Variants in ADGRL3 observed in about 807,000 individuals in gnomAD.
ADGRL3 encodes the protein calcium-independent alpha-latrotoxin receptor 3.
In ADGRL3, 62 loss-of-function variants were observed where a neutral mutation model predicts 153.5. The observed-to-expected ratio is 0.40, with a 90% confidence interval of 0.33 to 0.50. ADGRL3 has a LOEUF of 0.50. ADGRL3 is among the 20% of genes least tolerant of loss of function. The pLI is 0.47. For missense variants in ADGRL3, 1,641 were observed against 1,859.4 expected (o/e 0.88, Z 2.16); for synonymous variants, 710 against 672.5 (o/e 1.06, Z -0.86).
chr4:61,279,853 C>T (rs1032385344), intron 1 of ADGRL3, among the ~76,000 whole-genome samples: 1 of 152,006 alleles, frequency 6.6e-6, no homozygotes, highest in African/African-American at 2.4e-5. Flanking sequence ...TGTGATATGG[C>T]CAAGTCACTT....
chr4:61,410,173 T>A (rs925217531), intron 2 of ADGRL3, among the ~76,000 whole-genome samples: 2 of 151,420 alleles, frequency 1.3e-5, no homozygotes, highest in African/African-American at 4.9e-5. Flanking sequence ...AAAATGACTC[T>A]ATTTGTAAAT....
intron 25 of ADGRL3, among the ~76,000 whole-genome samples, chr4:62,047,194 G>A (rs913544098): frequency 4.0e-5 from 6 of 151,540 alleles, no homozygotes; most frequent in Non-Finnish European, 8.8e-5. Flanking sequence ...TTCTTGGTAA[G>A]TTAGATGTAT....
At chr4:61,985,732 A>G (rs2099082933) in intron 19 of ADGRL3, among the ~76,000 whole-genome samples, 1 of 152,158 alleles carries the variant, frequency 6.6e-6, no homozygotes, top group African/African-American at 2.4e-5. Flanking sequence ...ATACAATTAA[A>G]AGAAGACTTA....
chr4:61,354,260 C>A (rs1305152534), intron 1 of ADGRL3, among the ~76,000 whole-genome samples: 1 of 152,138 alleles, frequency 6.6e-6, no homozygotes, highest in Non-Finnish European at 1.5e-5. Flanking sequence ...GGATGGGATC[C>A]TTTGCAATGT....
In ADGRL3 at chr4:61,517,338, C is replaced by G. The variant is rs1560769382; in HGVS notation, c.79C>G (p.Pro27Ala). 1 of 703,652 alleles carries G rather than the reference C, an allele frequency of 1.4e-6. No individual in the cohort carries two copies. Among genetic ancestry groups the G allele is most frequent in the Admixed American group, 2.0e-5 (1 of 50,024 alleles). 43.6% of individuals were successfully genotyped at this position (703,652 alleles called of 1,614,324 possible). A position where few individuals can be genotyped will look rare whatever the true frequency, so the allele number is the denominator to read the frequency against. ...AGGTGGCAAGCACAGTGAACGACAT[C>G]CTGCCCTTGCTGCTCCATTGCGACA... ...IHGGKHSERH[P>A]ALAAPLRHAE... Residue 27 changes from proline to alanine, a missense_variant, in exon 4 of 27, where the codon CCT becomes GCT. By Grantham distance (27) the Pro-to-Ala change is conservative (BLOSUM62 -1). This residue lies in a region of ADGRL3 where 145 missense variants were observed against 79.1 expected (regional missense o/e 1.83). Transcript: ENST00000683033.
chr4:61,657,954 C>G (rs774381958), intron 5 of ADGRL3, among the ~76,000 whole-genome samples: 3 of 152,138 alleles, frequency 2.0e-5, no homozygotes, highest in Non-Finnish European at 2.9e-5. Flanking sequence ...GGATCAAATG[C>G]TTGATGAAAG....
chr4:61,691,718 C>G (rs1049960708), intron 6 of ADGRL3, among the ~76,000 whole-genome samples: 4 of 151,936 alleles, frequency 2.6e-5, no homozygotes, highest in Admixed American at 1.3e-4. Flanking sequence ...TTCTGAATAC[C>G]AAGGTATAAA....
chr4:61,805,450 G>T (rs1308870735), intron 8 of ADGRL3, among the ~76,000 whole-genome samples: 2 of 152,246 alleles, frequency 1.3e-5, no homozygotes, highest in Non-Finnish European at 2.9e-5. Flanking sequence ...CCTCTTTGTT[G>T]TGACTTCCCT....
At chr4:61,933,709 G>C (rs1296444405) in intron 13 of ADGRL3, 1 of 152,146 alleles carries the variant, frequency 6.6e-6, no homozygotes, top group Non-Finnish European at 1.5e-5. Flanking sequence ...TTATGAAGCT[G>C]CATTTTTAAC....
At chr4:61,447,423 T>C (rs1219118641) in intron 2 of ADGRL3, among the ~76,000 whole-genome samples, 1 of 152,050 alleles carries the variant, frequency 6.6e-6, no homozygotes, top group Non-Finnish European at 1.5e-5. Context: ...CTCTGGATTC[T>C]TAAAACAAAC....
At chr4:61,346,402 G>C (rs558826804) in intron 1 of ADGRL3, among the ~76,000 whole-genome samples, 74 of 151,136 alleles carry the variant, frequency 4.9e-4, no homozygotes, top group Non-Finnish European at 9.0e-4. Flanking sequence ...TTTAACATTG[G>C]GCATCACTTT....
chr4:61,539,141 G>A (rs1199194926), intron 4 of ADGRL3, among the ~76,000 whole-genome samples: 2 of 152,166 alleles, frequency 1.3e-5, no homozygotes, highest in African/African-American at 4.8e-5. Context: ...CCCTACACAA[G>A]CTAGTGCTTT....
chr4:61,468,227 C>CCCGTAT (rs2097907405), intron 2 of ADGRL3, among the ~76,000 whole-genome samples: 1 of 152,186 alleles, frequency 6.6e-6, no homozygotes, highest in Non-Finnish European at 1.5e-5. Context: ...ATAGCTGCCA[C>CCCGTAT]AGTCTCTTAA....
At position 62,075,842 on chromosome 4, in the gene ADGRL3, C is replaced by T. The variant is rs946630414; in HGVS notation, c.*4934C>T. On this transcript the variant is annotated 3_prime_UTR_variant, in exon 27 of 27. Coordinates refer to ENST00000683033, the MANE Select transcript of ADGRL3 (RefSeq NM_001387552.1). ...TAACTTTGCAATCAGCAAATATGTT[C>T]TTTATAACATCTTAAAAATATTAAA... 3.3e-5 allele frequency: 5 copies of T among 152,236 alleles called. No individual in the cohort carries two copies. The highest frequency in any genetic ancestry group is 4.4e-5 in the Non-Finnish European group (3 of 68,000). 9.4% of individuals were successfully genotyped at this position (152,236 alleles called of 1,614,324 possible).
At chr4:61,893,081 G>GACTC (rs111255800) in intron 10 of ADGRL3, 123 bp downstream of exon 10, 16 of 428,738 alleles carry the variant, frequency 3.7e-5, no homozygotes, top group Non-Finnish European at 5.1e-5. Flanking sequence ...CTCCCTCCTT[G>GACTC]TCTCTTTCTT....
At chr4:61,569,803 TATAAC>T (rs772057379) in intron 4 of ADGRL3, among the ~76,000 whole-genome samples, 18 of 152,162 alleles carry the variant, frequency 1.2e-4, no homozygotes, top group Admixed American at 1.3e-4. Flanking sequence ...GTGAAAGTCA[TATAAC>T]ATAAGATTAG....
chr4:61,826,686 A>T (rs1445920161), intron 9 of ADGRL3, among the ~76,000 whole-genome samples: 1 of 152,114 alleles, frequency 6.6e-6, no homozygotes, highest in Non-Finnish European at 1.5e-5. Context: ...TTTAAAAATG[A>T]CTGTAGCTAC....
intron 1 of ADGRL3, among the ~76,000 whole-genome samples, chr4:61,331,578 G>T (rs556574988): frequency 9.2e-5 from 14 of 152,066 alleles, no homozygotes; most frequent in Non-Finnish European, 1.9e-4. Context: ...TTGATACTTT[G>T]TCTGTCATTG....
rs1371806894 is a variant in ADGRL3, at chr4:61,908,624, A to T, written c.1888-936A>T. ...ACAACGCCTCAAAAAAAAAAAAAAAAGTCTCTGGAAAGTGAGAATATAGCA... is the reference window on the plus strand; with the variant it reads ...ACAACGCCTCAAAAAAAAAAAAAAATGTCTCTGGAAAGTGAGAATATAGCA... On this transcript the variant is annotated intron_variant, in intron 11 of 26. Coordinates refer to ENST00000683033, the MANE Select transcript of ADGRL3 (RefSeq NM_001387552.1). 9.3e-5 allele frequency among the ~76,000 whole-genome samples: 14 copies of T among 151,264 alleles called. No homozygotes were observed. In the East Asian group the frequency reaches 2.2e-3, roughly 23 times the overall value.
Sources: gnomAD v4.1 joint callset for allele counts (sites outside exome capture counted in the v4.1 genomes callset) on GRCh38, gnomAD v4.1.1 for gene constraint, gnomAD v4.1.1 regional missense constraint, MANE v1.5 for transcripts, NCBI Gene and HGNC (gene_info 2026-07-23, HGNC 2026-07-21) for gene names.